The following XIRP2 variants were observed in gnomAD, a reference collection of about 807,000 sequenced individuals.
The protein encoded by XIRP2 is xin actin-binding repeat-containing protein 2.
XIRP2 carries 236 observed loss-of-function variants against 277.0 expected under a neutral mutation model. That is an observed-to-expected ratio of 0.85 (90% CI 0.77 to 0.95). XIRP2 has a LOEUF of 0.95. Among genes scored for constraint, XIRP2 ranks in the 40% least tolerant of loss-of-function variants. XIRP2 has a pLI of 0.00. For missense variants in XIRP2, 4,640 were observed against 4,157.5 expected (o/e 1.12, Z -3.19); for synonymous variants, 1,490 against 1,416.5 (o/e 1.05, Z -1.17).
chr2:167,122,670 A>G (rs1448564379), intron 2 of XIRP2, among the ~76,000 whole-genome samples: 3 of 152,190 alleles, frequency 2.0e-5, no homozygotes, highest in Admixed American at 6.6e-5. Flanking sequence ...CTGCAGGCAC[A>G]TGGCTGCCTA....
At chr2:167,109,214 T>C (rs1380120665) in intron 2 of XIRP2, among the ~76,000 whole-genome samples, 4 of 152,134 alleles carry the variant, frequency 2.6e-5, no homozygotes, top group Non-Finnish European at 5.9e-5. Context: ...TAAATAAAAA[T>C]AATCTTAATA....
At position 167,248,255 on chromosome 2, in the gene XIRP2, C is replaced by G. The variant is rs767532879; in HGVS notation, c.6863C>G (p.Pro2288Arg). 5.6e-6 allele frequency: 9 copies of G among 1,612,198 alleles called. No individual in the cohort carries two copies. The highest frequency in any genetic ancestry group is 1.3e-5 in the African/African-American group (1 of 74,366). The stretch of plus-strand genomic sequence containing the variant: ...AATAATGTAAAAGAAAGTGAGTGCC[C>G]CCTTCCACCTCCATCTCCACCTCCT... ...PENNVKESECPLPPPSPPPPP... is the reference protein window; with the variant it reads ...PENNVKESECRLPPPSPPPPP... The change falls in exon 9 of 11, where the codon CCC (proline) becomes CGC (arginine). Residue 2288 changes from proline to arginine, a missense_variant. Physicochemically the swap from Pro to Arg is moderately radical, Grantham distance 103. Coordinates refer to ENST00000409195, the MANE Select transcript of XIRP2 (RefSeq NM_152381.6).
chr2:167,195,866 G>A (rs553991718), intron 3 of XIRP2, among the ~76,000 whole-genome samples: 2 of 152,286 alleles, frequency 1.3e-5, no homozygotes, highest in Admixed American at 6.5e-5. Context: ...GCAGGAGTAG[G>A]TCTGAGAGCT....
chr2:167,044,012 T>C (rs919718182), intron 2 of XIRP2, among the ~76,000 whole-genome samples: 4 of 152,000 alleles, frequency 2.6e-5, no homozygotes, highest in Non-Finnish European at 5.9e-5. Context: ...TGAACATAGA[T>C]GCAAAAATCC....
intron 2 of XIRP2, among the ~76,000 whole-genome samples, chr2:167,095,394 T>C (rs1387694278): frequency 6.6e-6 from 1 of 152,174 alleles, no homozygotes; most frequent in African/African-American, 2.4e-5. Flanking sequence ...CTTGTGCCGG[T>C]TTTCAAAGGG....
intron 2 of XIRP2, among the ~76,000 whole-genome samples, chr2:167,117,045 TAG>T (rs1445001561): frequency 2.0e-5 from 3 of 152,222 alleles, no homozygotes; most frequent in Non-Finnish European, 4.4e-5. Flanking sequence ...GTGAAATATG[TAG>T]AGTTAGAAAA....
chr2:167,060,593 A>C (rs993725588), intron 2 of XIRP2, among the ~76,000 whole-genome samples: 1 of 152,180 alleles, frequency 6.6e-6, no homozygotes, highest in African/African-American at 2.4e-5. Flanking sequence ...AGTATCATTT[A>C]TTGAAATTTC....
intron 2 of XIRP2, among the ~76,000 whole-genome samples, chr2:167,039,372 A>G (rs1170631339): frequency 6.6e-6 from 1 of 152,216 alleles, no homozygotes; most frequent in Non-Finnish European, 1.5e-5. Flanking sequence ...ACACTCTGCT[A>G]GGCATTGCTG....
intron 2 of XIRP2, among the ~76,000 whole-genome samples, chr2:166,941,273 C>G (rs1326143900): frequency 6.6e-6 from 1 of 152,168 alleles, no homozygotes; most frequent in African/African-American, 2.4e-5. Context: ...CCTGGTGTGC[C>G]ATTTGCTAAG....
At chr2:166,952,352 A>T (rs1342553104) in intron 2 of XIRP2, among the ~76,000 whole-genome samples, 1 of 152,018 alleles carries the variant, frequency 6.6e-6, no homozygotes, top group East Asian at 1.9e-4. Context: ...ACAAAATTCA[A>T]ATCATATCAC....
intron 3 of XIRP2, among the ~76,000 whole-genome samples, chr2:167,146,313 A>G (rs1306918614): frequency 6.6e-6 from 1 of 152,060 alleles, no homozygotes; most frequent in Non-Finnish European, 1.5e-5. Flanking sequence ...CAGCCTGGCC[A>G]ACATGGTGAA....
At chr2:167,137,463 GA>G (rs1691588085) in intron 3 of XIRP2, among the ~76,000 whole-genome samples, 1 of 152,188 alleles carries the variant, frequency 6.6e-6, no homozygotes, top group Admixed American at 6.5e-5. Context: ...ATATTCTGAT[GA>G]TGCTTGCCTG....
rs1574004781 is a variant in XIRP2, at chr2:167,254,108, A to G, written c.10632A>G (p.Arg3544=). 1 of 1,611,028 alleles carries G rather than the reference A, an allele frequency of 6.2e-7. No individual in the cohort carries two copies. Among genetic ancestry groups the G allele is most frequent in the East Asian group, 2.2e-5 (1 of 44,788 alleles). ...DSLSNGVPSG[R]QAEFS ...TATCCAATGGAGTGCCTAGTGGCAGACAAGCAGAATTTTCATAAGTCCTGC... is the reference window on the plus strand; with the variant it reads ...TATCCAATGGAGTGCCTAGTGGCAGGCAAGCAGAATTTTCATAAGTCCTGC... Residue 3544 remains arginine (R), a synonymous_variant, in exon 10 of 11, where the codon AGA becomes AGG. Coordinates refer to ENST00000409195, the MANE Select transcript of XIRP2 (RefSeq NM_152381.6).
chr2:167,242,840 C>G lies in XIRP2; in HGVS notation c.1448C>G (p.Pro483Arg). 2 of 1,614,130 alleles carry G rather than the reference C, an allele frequency of 1.2e-6. No individual in the cohort carries two copies. Among genetic ancestry groups the G allele is most frequent in the African/African-American group, 1.3e-5 (1 of 75,036 alleles). Residue 483 changes from proline to arginine, a missense_variant, in exon 9 of 11, where the codon CCA becomes CGA. Physicochemically the swap from Pro to Arg is moderately radical, Grantham distance 103. Transcript: ENST00000409195. The part of the protein sequence containing the change: ...PELPSPPRRL[P>R]VPKDVYSKQR... Reference sequence around the variant, plus strand: ...CTGCCCAGTCCTCCTAGAAGACTACCAGTCCCCAAAGATGTATATTCCAAG... The same window carrying G: ...CTGCCCAGTCCTCCTAGAAGACTACGAGTCCCCAAAGATGTATATTCCAAG...
rs973808455 is a variant in XIRP2 at position 166,892,980 on chromosome 2, A to G, written c.-19+4423A>G. 2.6e-3 allele frequency among the ~76,000 whole-genome samples: 207 copies of G among 80,012 alleles called. 1 individual carries two copies. Among genetic ancestry groups the G allele is most frequent in the Middle Eastern group, 6.3e-3 (1 of 160 alleles). The allele number at this position is 80,012 out of a possible 152,430, so 52.5% of individuals were successfully genotyped here. A position where few individuals can be genotyped will look rare whatever the true frequency, so the allele number is the denominator to read the frequency against. On this transcript the variant is annotated intron_variant, in intron 1 of 10. Coordinates refer to ENST00000409195, the MANE Select transcript of XIRP2 (RefSeq NM_152381.6). ...TGTATATACATATATATATATGTAT[A>G]TACACACACACACACACACACACAC...
chr2:167,165,262 G>T (rs1361687625), intron 3 of XIRP2, among the ~76,000 whole-genome samples: 2 of 152,128 alleles, frequency 1.3e-5, no homozygotes, highest in African/African-American at 4.8e-5. Flanking sequence ...GAACATTTTG[G>T]TTGCTTTCAA....
intron 2 of XIRP2, among the ~76,000 whole-genome samples, chr2:167,078,280 A>T (rs1255629349): frequency 2.6e-5 from 4 of 151,850 alleles, no homozygotes; most frequent in Non-Finnish European, 5.9e-5. Context: ...CTCAGCTTGA[A>T]TTTTTTTTGG....
In XIRP2 at chr2:166,911,057, T is replaced by C. The variant is rs183038488; in HGVS notation, c.408+7167T>C. Among the ~76,000 whole-genome samples the C allele has an allele frequency of 6.0e-3, 913 of 152,274 alleles. 9 individuals are homozygous for C. Among genetic ancestry groups the C allele is most frequent in the African/African-American group, 0.021 (861 of 41,554 alleles). On this transcript the variant is annotated intron_variant, in intron 2 of 10. Coordinates refer to ENST00000409195, the MANE Select transcript of XIRP2 (RefSeq NM_152381.6). ...ACTATGTGGTCAATTTTGGAATAAG[T>C]GTGATGTGGTGCTGAGAAAAATGTA...
intron 2 of XIRP2, among the ~76,000 whole-genome samples, chr2:166,957,359 T>C (rs927227395): frequency 2.6e-5 from 4 of 151,860 alleles, no homozygotes; most frequent in Admixed American, 2.6e-4. Context: ...ATTTAAGATT[T>C]AAAATAATTA....
Sources: allele counts gnomAD v4.1 joint callset (sites outside exome capture counted in the v4.1 genomes callset), GRCh38; gene constraint gnomAD v4.1.1; transcripts MANE v1.5; gene names NCBI Gene and HGNC (gene_info 2026-07-23, HGNC 2026-07-21).